The following SLC35F4 variants were observed in gnomAD, a reference collection of about 807,000 sequenced individuals.
SLC35F4 encodes the protein solute carrier family 35 member F4, also known as chromosome 14 open reading frame 36.
Under a neutral mutation model 44.2 loss-of-function variants are expected in SLC35F4, and 24 were observed. That is an observed-to-expected ratio of 0.54 (90% CI 0.39 to 0.76). The LOEUF (loss-of-function observed/expected upper bound fraction) is 0.76, where lower values mean the gene tolerates loss of function less well. Among genes scored for constraint, SLC35F4 ranks in the 30% least tolerant of loss-of-function variants. The probability of loss-of-function intolerance (pLI) is 0.00; values close to 1 mark genes in which losing one functional copy is unlikely to be tolerated. For synonymous variants in SLC35F4, 238 were observed against 223.6 expected, an observed-to-expected ratio of 1.06 and a Z score of -0.57; for missense variants, 562 against 586.1, an observed-to-expected ratio of 0.96 and a Z score of 0.42.
chr14:57,766,362 T>C (rs1288621676), intron 1 of SLC35F4, among the ~76,000 whole-genome samples: 2 of 152,176 alleles, frequency 1.3e-5, no homozygotes, highest in Non-Finnish European at 1.5e-5. Context: ...ACTACTTTGC[T>C]GTAGGAAATG....
chr14:57,672,201 T>C (rs561826593), intron 1 of SLC35F4, among the ~76,000 whole-genome samples: 15 of 152,176 alleles, frequency 9.9e-5, no homozygotes, highest in Non-Finnish European at 1.5e-5. Flanking sequence ...TTTCTAAATA[T>C]TCCACTACCT....
At position 57,976,889 on chromosome 14, in the gene SLC35F4, T is replaced by C. The variant is rs547336681; in HGVS notation, n.220A>G. On this transcript the variant is annotated non_coding_transcript_exon_variant, in exon 2 of 2. Coordinates refer to the SLC35F4 transcript ENST00000554648. Reference sequence around the variant, plus strand: ...TCTCACAGTAGAGTCTGCAGAGACTTTGATTGTCTTGACATTCTGCAGACA... The same window carrying C: ...TCTCACAGTAGAGTCTGCAGAGACTCTGATTGTCTTGACATTCTGCAGACA... 5 of 152,360 alleles carry C rather than the reference T, an allele frequency of 3.3e-5. No individual in the cohort carries two copies. In the South Asian group the frequency reaches 1.0e-3, roughly 32 times the overall value. 9.4% of individuals were successfully genotyped at this position (152,360 alleles called of 1,614,324 possible). A position where few individuals can be genotyped will look rare whatever the true frequency, so the allele number is the denominator to read the frequency against.
intron 1 of SLC35F4, among the ~76,000 whole-genome samples, chr14:57,704,389 G>A (rs1285319896): frequency 6.6e-6 from 1 of 152,148 alleles, no homozygotes; most frequent in Admixed American, 6.5e-5. Flanking sequence ...AAGTGTCAAT[G>A]GCCAGATAGT....
At chr14:57,766,263 G>A (rs2077231962) in intron 1 of SLC35F4, among the ~76,000 whole-genome samples, 1 of 152,216 alleles carries the variant, frequency 6.6e-6, no homozygotes, top group Admixed American at 6.5e-5. Flanking sequence ...TTCAGTTTGT[G>A]TAGTAACTGT....
intron 1 of SLC35F4, among the ~76,000 whole-genome samples, chr14:57,854,067 C>G (rs1886846348): frequency 6.6e-6 from 1 of 152,068 alleles, no homozygotes; most frequent in African/African-American, 2.4e-5. Context: ...CCTCTCAAAG[C>G]AGATAAATGA....
chr14:57,804,595 C>A (rs914408392), intron 1 of SLC35F4, among the ~76,000 whole-genome samples: 1 of 152,288 alleles, frequency 6.6e-6, no homozygotes, highest in African/African-American at 2.4e-5. Flanking sequence ...GGACCCTTTC[C>A]TTACACCTTA....
intron 1 of SLC35F4, among the ~76,000 whole-genome samples, chr14:57,736,199 T>C (rs145938453): frequency 0.011 from 1,602 of 152,328 alleles, 23 homozygotes; most frequent in South Asian, 0.058. Flanking sequence ...ACAATGCCTC[T>C]GGCTGTGGTC....
At chr14:57,584,206 A>C (rs1389356803) in intron 3 of SLC35F4, among the ~76,000 whole-genome samples, 1 of 152,138 alleles carries the variant, frequency 6.6e-6, no homozygotes, top group East Asian at 1.9e-4. Flanking sequence ...GAGGCAATTG[A>C]ATTCTCTTGT....
chr14:57,663,979 A>T (rs1256514310), intron 1 of SLC35F4, among the ~76,000 whole-genome samples: 2 of 149,386 alleles, frequency 1.3e-5, no homozygotes, highest in Non-Finnish European at 3.0e-5. Context: ...TCAAATAAAA[A>T]GTTGGATGTT....
rs1452054439 is a variant in SLC35F4, at chr14:57,865,706, G to C, written c.103+17C>G. 1 of 1,511,458 alleles carries C rather than the reference G, an allele frequency of 6.6e-7. No homozygotes were observed. The highest frequency in any genetic ancestry group is 1.4e-5 in the African/African-American group (1 of 70,460). 93.6% of individuals were successfully genotyped at this position (1,511,458 alleles called of 1,614,324 possible). On this transcript the variant is annotated intron_variant, in intron 1 of 7. Transcript: ENST00000556826. ...TCCCTTCCCCGCCTCGCGCAGGGCA[G>C]CCGCGCGGCGTCTTACTTTTCTGGC... is the stretch of plus-strand genomic sequence containing the variant.
At chr14:57,932,455 C>T (rs1889715498) in intron 1 of SLC35F4, among the ~76,000 whole-genome samples, 1 of 152,178 alleles carries the variant, frequency 6.6e-6, no homozygotes, top group Non-Finnish European at 1.5e-5. Context: ...GGTAGGATGA[C>T]TATATGCTTT....
intron 1 of SLC35F4, among the ~76,000 whole-genome samples, chr14:57,639,453 T>C (rs1005759853): frequency 1.3e-5 from 2 of 152,002 alleles, no homozygotes; most frequent in Non-Finnish European, 2.9e-5. Context: ...CTAAAGTCTA[T>C]AAAATTTTGT....
chr14:57,831,798 A>T (rs1225437546), intron 1 of SLC35F4, among the ~76,000 whole-genome samples: 3 of 152,298 alleles, frequency 2.0e-5, no homozygotes, highest in African/African-American at 7.2e-5. Flanking sequence ...TATATTATCC[A>T]GGCAGAAGAA....
chr14:57,953,526 G>A (rs939746321), intron 1 of SLC35F4, among the ~76,000 whole-genome samples: 1 of 152,084 alleles, frequency 6.6e-6, no homozygotes, highest in Non-Finnish European at 1.5e-5. Flanking sequence ...GCTGTATCCA[G>A]GAGAACCATC....
At chr14:57,829,319 G>C (rs1352839871) in intron 1 of SLC35F4, among the ~76,000 whole-genome samples, 1 of 152,180 alleles carries the variant, frequency 6.6e-6, no homozygotes. Flanking sequence ...TATAGGTCTG[G>C]GTCGTGGGGG....
chr14:57,951,847 T>A (rs1218884340), intron 1 of SLC35F4, among the ~76,000 whole-genome samples: 2 of 152,172 alleles, frequency 1.3e-5, no homozygotes, highest in East Asian at 3.9e-4. Context: ...AAGAGGCGGC[T>A]ATGGGCACAG....
chr14:57,956,227 G>A (rs546703075), intron 1 of SLC35F4, among the ~76,000 whole-genome samples: 12 of 152,248 alleles, frequency 7.9e-5, no homozygotes, highest in South Asian at 2.1e-4. Context: ...TGGGAAAACC[G>A]GCTAGCCATA....
At chr14:57,745,387 GA>G (rs1246905132) in intron 1 of SLC35F4, among the ~76,000 whole-genome samples, 1 of 152,064 alleles carries the variant, frequency 6.6e-6, no homozygotes, top group Admixed American at 6.6e-5. Context: ...AAACGTAAAA[GA>G]AAAAATCAAG....
At chr14:57,851,397 G>A (rs1442326725) in intron 1 of SLC35F4, among the ~76,000 whole-genome samples, 2 of 152,164 alleles carry the variant, frequency 1.3e-5, no homozygotes, top group Non-Finnish European at 2.9e-5. Flanking sequence ...TTGGGGGATA[G>A]GTGAGTAGTT....
Sources: allele counts gnomAD v4.1 joint callset (sites outside exome capture counted in the v4.1 genomes callset), GRCh38; gene constraint gnomAD v4.1.1; transcripts MANE v1.5; gene names NCBI Gene and HGNC (gene_info 2026-07-23, HGNC 2026-07-21).